Variants in CCDC146 observed in about 807,000 individuals in gnomAD.
CCDC146 encodes coiled-coil domain-containing protein 146.
CCDC146 carries 92 observed loss-of-function variants against 119.3 expected under a neutral mutation model. The ratio of observed to expected loss-of-function variants is 0.77; its 90% CI spans 0.65 to 0.92. The LOEUF (loss-of-function observed/expected upper bound fraction) is 0.92. Ranked by LOEUF, CCDC146 falls within the 40% of genes least tolerant of loss-of-function variation. The probability of loss-of-function intolerance (pLI) is 0.00; values close to 1 mark genes in which losing one functional copy is unlikely to be tolerated. For synonymous variants in CCDC146, 372 were observed against 371.8 expected (o/e 1.00, Z -0.01); for missense variants, 1,000 against 1,103.0 (o/e 0.91, Z 1.32).
At chr7:77,210,942 C>T (rs912751418) in intron 2 of CCDC146, among the ~76,000 whole-genome samples, 2 of 152,168 alleles carry the variant, frequency 1.3e-5, no homozygotes, top group Non-Finnish European at 2.9e-5. Flanking sequence ...ATGCAACCAG[C>T]TCCCACCAGG....
chr7:77,192,944 A>G (rs1584057836), intron 2 of CCDC146, among the ~76,000 whole-genome samples: 1 of 152,144 alleles, frequency 6.6e-6, no homozygotes, highest in East Asian at 1.9e-4. Flanking sequence ...AAATAAAATA[A>G]TAAAAAAAAA....
At chr7:77,237,900 T>C (rs1217838855) in intron 3 of CCDC146, among the ~76,000 whole-genome samples, 1 of 152,114 alleles carries the variant, frequency 6.6e-6, no homozygotes, top group Non-Finnish European at 1.5e-5. Flanking sequence ...TCTCAGGGCC[T>C]TGCATTGTAT....
At chr7:77,264,073 T>C (rs1305231913) in intron 9 of CCDC146, among the ~76,000 whole-genome samples, 3 of 152,084 alleles carry the variant, frequency 2.0e-5, no homozygotes, top group Admixed American at 6.6e-5. Flanking sequence ...TTATGATATA[T>C]ATACTTCTTA....
intron 2 of CCDC146, among the ~76,000 whole-genome samples, chr7:77,228,017 C>T (rs895114608): frequency 1.4e-4 from 21 of 152,236 alleles, no homozygotes; most frequent in African/African-American, 4.1e-4. Flanking sequence ...CTCAGCTTCA[C>T]TTTGTGTCTT....
chr7:77,155,945 A>G (rs1791172420), intron 1 of CCDC146, among the ~76,000 whole-genome samples: 1 of 152,130 alleles, frequency 6.6e-6, no homozygotes, highest in African/African-American at 2.4e-5. Flanking sequence ...GAAAAAATAT[A>G]TAAGATGCTT....
chr7:77,130,597 C>CTTTT (rs34309739), intron 1 of CCDC146, among the ~76,000 whole-genome samples: 41 of 125,718 alleles, frequency 3.3e-4, no homozygotes, highest in Admixed American at 4.0e-4. Flanking sequence ...TCCTTTCTTT[C>CTTTT]TTTTTTTTTT....
rs561319342 is a variant in CCDC146, at chr7:77,224,301, C to T, written c.157-12646C>T. On this transcript the variant is annotated intron_variant, in intron 2 of 18. Coordinates refer to ENST00000285871, the MANE Select transcript of CCDC146 (RefSeq NM_020879.3). ...TTTTCCAGCTTCTGGAAGCCACCTACGTTCCTTGACTCATGACCGCCTTCC... is the reference window on the plus strand; with the variant it reads ...TTTTCCAGCTTCTGGAAGCCACCTATGTTCCTTGACTCATGACCGCCTTCC... Among the ~76,000 whole-genome samples the T allele has an allele frequency of 6.6e-5, 10 of 152,308 alleles. 1 individual carries two copies. In the South Asian group the frequency reaches 2.1e-3, roughly 32 times the overall value.
At position 77,144,303 on chromosome 7, in the gene CCDC146, A is replaced by G. The variant is rs1334410151; in HGVS notation, c.-12+21571A>G. 2.0e-5 allele frequency among the ~76,000 whole-genome samples: 3 copies of G among 151,772 alleles called. No homozygotes were observed. The East Asian group carries it at 5.8e-4, about 29-fold the overall frequency. On this transcript the variant is annotated intron_variant, in intron 1 of 18. Transcript: ENST00000285871. ...TTTTGCTGAAGTTGCTTATCAGCTT[A>G]AGGAGATTTTGGGCTGAGATGATGG...
intron 1 of CCDC146, among the ~76,000 whole-genome samples, chr7:77,155,634 G>A (rs1791168649): frequency 6.6e-6 from 1 of 152,162 alleles, no homozygotes; most frequent in East Asian, 1.9e-4. Flanking sequence ...ATTTCCTCCT[G>A]TACAAAATGG....
intron 2 of CCDC146, among the ~76,000 whole-genome samples, chr7:77,197,481 C>T (rs940247411): frequency 6.6e-6 from 1 of 152,182 alleles, no homozygotes; most frequent in African/African-American, 2.4e-5. Flanking sequence ...TGGCTGGCAG[C>T]AAAGCTTTGT....
intron 2 of CCDC146, among the ~76,000 whole-genome samples, chr7:77,190,629 G>A (rs1791746530): frequency 6.6e-6 from 1 of 152,194 alleles, no homozygotes; most frequent in Non-Finnish European, 1.5e-5. Flanking sequence ...CTCATGTTTG[G>A]GAATTCGGGA....
chr7:77,208,446 G>T (rs1220014636), intron 2 of CCDC146, among the ~76,000 whole-genome samples: 1 of 152,106 alleles, frequency 6.6e-6, no homozygotes, highest in Admixed American at 6.5e-5. Context: ...ACTGAATACT[G>T]TATACAACTG....
chr7:77,185,098 G>T (rs76335190), intron 2 of CCDC146, among the ~76,000 whole-genome samples: 2,351 of 151,634 alleles, frequency 0.016, 60 homozygotes, highest in African/African-American at 0.054. Flanking sequence ...TTTTTTTCCA[G>T]GGAAGATTGT....
chr7:77,192,262 G>A (rs1791781845), intron 2 of CCDC146, among the ~76,000 whole-genome samples: 2 of 152,130 alleles, frequency 1.3e-5, no homozygotes, highest in Admixed American at 1.3e-4. Flanking sequence ...TTATATATGT[G>A]ATTTAATCCT....
chr7:77,162,675 A>C, intron 1 of CCDC146, among the ~76,000 whole-genome samples: 1 of 151,946 alleles, frequency 6.6e-6, no homozygotes, highest in Non-Finnish European at 1.5e-5. Flanking sequence ...TCCTGTGAAA[A>C]AAGTGCCATT....
At position 77,293,192 on chromosome 7, in the gene CCDC146, AAGTCTCAGGT is replaced by A; in HGVS notation, c.2659_2664+4del. ...AATGCACGCCTTGGCCATCGCTGAA[AAGTCTCAGGT>A]AGGCTTTGGCTCCTGTATTGCATTT... is the stretch of plus-strand genomic sequence containing the variant. On this transcript the variant is annotated splice_donor_variant and coding_sequence_variant, in exon 18 of 19. Coordinates refer to ENST00000285871, the MANE Select transcript of CCDC146 (RefSeq NM_020879.3). LOFTEE classifies it high-confidence loss of function. 5.0e-6 allele frequency: 8 copies of A among 1,613,870 alleles called. No homozygotes were observed. Among genetic ancestry groups the A allele is most frequent in the Non-Finnish European group, 6.8e-6 (8 of 1,179,974 alleles).
intron 11 of CCDC146, among the ~76,000 whole-genome samples, chr7:77,276,316 ATTTC>A (rs1793638741): frequency 6.6e-6 from 1 of 151,992 alleles, no homozygotes; most frequent in African/African-American, 2.4e-5. Context: ...ATAGAATGGT[ATTTC>A]TTCTCATTCT....
chr7:77,234,698 G>A (rs968115469), intron 2 of CCDC146, among the ~76,000 whole-genome samples: 1 of 152,004 alleles, frequency 6.6e-6, no homozygotes, highest in African/African-American at 2.4e-5. Context: ...TAGCGCCACT[G>A]TACTCCAGCC....
chr7:77,125,194 C>CAA (rs111475116), intron 1 of CCDC146, among the ~76,000 whole-genome samples: 2 of 151,388 alleles, frequency 1.3e-5, no homozygotes, highest in African/African-American at 4.9e-5. Context: ...AACTCTGTCT[C>CAA]AATAAAAAAA....
Sources: allele counts gnomAD v4.1 joint callset (sites outside exome capture counted in the v4.1 genomes callset), GRCh38; gene constraint gnomAD v4.1.1; transcripts MANE v1.5; gene names NCBI Gene and HGNC (gene_info 2026-07-23, HGNC 2026-07-21).